The following NBEA variants were observed in gnomAD, a reference collection of about 807,000 sequenced individuals.
The protein encoded by NBEA is neurobeachin.
NBEA carries 44 observed loss-of-function variants against 343.4 expected under a neutral mutation model. The ratio of observed to expected loss-of-function variants is 0.13; its 90% CI spans 0.10 to 0.16. The LOEUF is 0.16. Ranked by LOEUF, NBEA falls within the 10% of genes least tolerant of loss-of-function variation. The pLI is 1.00. For synonymous variants in NBEA, 1,175 were observed against 1,238.7 expected (o/e 0.95, Z 1.08); for missense variants, 2,555 against 3,631.3 (o/e 0.70, Z 7.62).
At chr13:35,403,893 T>A in intron 38 of NBEA, among the ~76,000 whole-genome samples, 1 of 151,916 alleles carries the variant, frequency 6.6e-6, no homozygotes, top group African/African-American at 2.4e-5. Context: ...TACAAAGAAC[T>A]CAAACAAATT....
intron 38 of NBEA, among the ~76,000 whole-genome samples, chr13:35,407,322 A>G (rs1566086777): frequency 6.6e-6 from 1 of 151,938 alleles, no homozygotes; most frequent in Non-Finnish European, 1.5e-5. Context: ...CTATAAAACC[A>G]CTTTATTCCT....
chr13:35,408,737 A>G (rs531335410), intron 38 of NBEA, among the ~76,000 whole-genome samples: 5 of 152,354 alleles, frequency 3.3e-5, no homozygotes, highest in East Asian at 1.9e-4. Context: ...GCCAATAATC[A>G]TATGAAAAAA....
At chr13:35,643,801 C>T (rs535822799) in intron 49 of NBEA, among the ~76,000 whole-genome samples, 2 of 152,292 alleles carry the variant, frequency 1.3e-5, no homozygotes, top group African/African-American at 4.8e-5. Flanking sequence ...CTCAGAACAA[C>T]TACTTCATTG....
intron 8 of NBEA, among the ~76,000 whole-genome samples, chr13:35,068,754 G>A (rs2063751711): frequency 6.6e-6 from 1 of 152,116 alleles, no homozygotes; most frequent in Non-Finnish European, 1.5e-5. Context: ...GTGTTAAAAT[G>A]TTTGAATTAA....
intron 1 of NBEA, among the ~76,000 whole-genome samples, chr13:35,014,836 G>A (rs1566164702): frequency 6.6e-6 from 1 of 151,944 alleles, no homozygotes; most frequent in Admixed American, 6.5e-5. Context: ...CAGCAGTCCC[G>A]CTGCCAGCAC....
chr13:34,969,343 T>G (rs955382810), intron 1 of NBEA, among the ~76,000 whole-genome samples: 1 of 151,982 alleles, frequency 6.6e-6, no homozygotes, highest in African/African-American at 2.4e-5. Context: ...AATTTTTTGG[T>G]TTCCGTTTTT....
intron 49 of NBEA, among the ~76,000 whole-genome samples, chr13:35,630,757 G>A (rs1289307784): frequency 2.6e-5 from 4 of 151,988 alleles, no homozygotes; most frequent in Non-Finnish European, 5.9e-5. Context: ...CCTTCCCCCA[G>A]CCCCCAGAGG....
chr13:35,369,709 G>T (rs936190896), intron 38 of NBEA, among the ~76,000 whole-genome samples: 5 of 151,970 alleles, frequency 3.3e-5, no homozygotes, highest in African/African-American at 1.2e-4. Flanking sequence ...TTTATAGCCT[G>T]CAACTTTACT....
At chr13:35,484,590 TA>T (rs71081256) in intron 41 of NBEA, among the ~76,000 whole-genome samples, 16 of 149,376 alleles carry the variant, frequency 1.1e-4, no homozygotes, top group African/African-American at 2.7e-4. Context: ...TGTGTTTAAA[TA>T]AAAAAAAAAT....
chr13:35,635,097 G>A (rs1310182401), intron 49 of NBEA, among the ~76,000 whole-genome samples: 1 of 152,126 alleles, frequency 6.6e-6, no homozygotes, highest in African/African-American at 2.4e-5. Flanking sequence ...TCATCCTGAT[G>A]ATGTAAATGA....
At chr13:35,579,408 C>A (rs1464136419) in intron 45 of NBEA, among the ~76,000 whole-genome samples, 1 of 151,906 alleles carries the variant, frequency 6.6e-6, no homozygotes, top group Non-Finnish European at 1.5e-5. Context: ...TTTTTACTTA[C>A]TAAATTTATA....
chr13:35,643,271 G>A (rs2153074727), intron 49 of NBEA, among the ~76,000 whole-genome samples: 1 of 151,948 alleles, frequency 6.6e-6, no homozygotes, highest in African/African-American at 2.4e-5. Context: ...ACTCGTCTGG[G>A]CTCCCAGGGC....
In NBEA at chr13:35,017,096, A is replaced by C. The variant is rs545970947; in HGVS notation, c.295-23837A>C. ...AGTGACATAATTTCTTTTATGTTCT[A>C]AAAAGATCATCTGCCGCAGTGGGAA... On this transcript the variant is annotated intron_variant, in intron 1 of 58. Transcript: ENST00000379939. Among the ~76,000 whole-genome samples, 9 of 152,260 alleles carry C rather than the reference A, an allele frequency of 5.9e-5. No homozygotes were observed. In the East Asian group the frequency reaches 1.5e-3, roughly 26 times the overall value.
At chr13:35,185,074 A>G (rs1474663729) in intron 30 of NBEA, among the ~76,000 whole-genome samples, 1 of 152,114 alleles carries the variant, frequency 6.6e-6, no homozygotes, top group African/African-American at 2.4e-5. Flanking sequence ...GAAGTCCGAG[A>G]GACTTGAAAT....
chr13:35,094,136 T>G (rs1216651138), intron 10 of NBEA, among the ~76,000 whole-genome samples: 1 of 152,084 alleles, frequency 6.6e-6, no homozygotes, highest in African/African-American at 2.4e-5. Flanking sequence ...AACATAAAAT[T>G]AAAAATCTCT....
intron 40 of NBEA, among the ~76,000 whole-genome samples, chr13:35,469,861 A>G (rs1264204580): frequency 3.3e-5 from 5 of 152,242 alleles, no homozygotes; most frequent in Non-Finnish European, 5.9e-5. Context: ...GTTTTCAAAT[A>G]ACCAAGTACT....
chr13:35,346,856 G>A (rs143878470), intron 36 of NBEA, among the ~76,000 whole-genome samples: 203 of 152,062 alleles, frequency 1.3e-3, no homozygotes, highest in African/African-American at 4.7e-3. Context: ...GATTTTAGAC[G>A]GATTTCTACT....
chr13:35,126,553 A>C (rs1224976156), intron 17 of NBEA, among the ~76,000 whole-genome samples: 2 of 152,196 alleles, frequency 1.3e-5, no homozygotes, highest in African/African-American at 2.4e-5. Context: ...AGCAAATATT[A>C]TGAATAGATG....
chr13:35,492,846 T>C (rs2076547554), intron 41 of NBEA, among the ~76,000 whole-genome samples: 1 of 151,834 alleles, frequency 6.6e-6, no homozygotes, highest in Non-Finnish European at 1.5e-5. Context: ...ATGTTTAAAC[T>C]GTCACTAAAA....
Sources: gnomAD v4.1 joint callset for allele counts (sites outside exome capture counted in the v4.1 genomes callset) on GRCh38, gnomAD v4.1.1 for gene constraint, MANE v1.5 for transcripts, NCBI Gene and HGNC (gene_info 2026-07-23, HGNC 2026-07-21) for gene names.